DHX30: variants seen among roughly 807,000 people sequenced by gnomAD.
DHX30 encodes the protein ATP-dependent RNA helicase DHX30.
DHX30 carries 4 observed loss-of-function variants against 116.9 expected under a neutral mutation model. That is an observed-to-expected ratio of 0.03 (90% CI 0.02 to 0.08). DHX30 has a LOEUF of 0.08. Among genes scored for constraint, DHX30 ranks in the 10% least tolerant of loss-of-function variants. DHX30 has a pLI of 1.00. For synonymous variants in DHX30, 697 were observed against 651.7 expected (o/e 1.07, Z -1.06); for missense variants, 871 against 1,595.1 (o/e 0.55, Z 7.73).
In DHX30 at chr3:47,848,922, G is replaced by A; in HGVS notation, c.2772G>A (p.Val924=). The change falls in exon 18 of 22, where the codon GTG becomes GTA. Residue 924 remains valine (V), a splice_region_variant and synonymous_variant. Coordinates refer to ENST00000445061, the MANE Select transcript of DHX30 (RefSeq NM_138615.3). The surrounding 1 kb of genome is among the most constrained non-coding windows in gnomAD (Gnocchi z 9.4). ...SLQNRAEVDK[V]KALLSHDSGS... is the part of the protein sequence containing the mutation. ...GCTGCCCTCTTCTCCCCTCCCAGGT[G>A]AAAGCACTGTTGAGCCATGACAGCG... The A allele has an allele frequency of 1.2e-6, 2 of 1,602,650 alleles. No homozygotes were observed. Among genetic ancestry groups the A allele is most frequent in the South Asian group, 1.1e-5 (1 of 90,102 alleles).
At chr3:47,823,508 C>T (rs1279878964) in intron 4 of DHX30, among the ~76,000 whole-genome samples, 7 of 151,940 alleles carry the variant, frequency 4.6e-5, no homozygotes, top group Admixed American at 2.0e-4. Flanking sequence ...GGACTACAGG[C>T]GCGTGCCACC....
intron 6 of DHX30, among the ~76,000 whole-genome samples, chr3:47,838,195 G>A (rs1051072699): frequency 6.6e-6 from 1 of 152,212 alleles, no homozygotes; most frequent in Admixed American, 6.5e-5. Context: ...TCGCGAATGT[G>A]TGTGTGGCAT....
rs754419475 is a variant in DHX30, at chr3:47,846,692, G to A, written c.1620G>A (p.Leu540=). ...GALLFCTVGI[L]LRKLQSNPSL... The stretch of plus-strand genomic sequence containing the variant: ...TGCTCTTCTGCACTGTGGGTATCCT[G>A]CTGCGTAAGCTGCAGAGCAACCCCA... Residue 540 remains leucine (L), a synonymous_variant, in exon 11 of 22, where the codon CTG becomes CTA. Transcript: ENST00000445061. 5.6e-6 allele frequency: 9 copies of A among 1,613,934 alleles called. No homozygotes were observed. The East Asian group carries it at 1.6e-4, about 28-fold the overall frequency.
At chr3:47,845,541 C>T in intron 9 of DHX30, 159 bp from the exon 10 acceptor site, 5 of 748,040 alleles carry the variant, frequency 6.7e-6, no homozygotes, top group Non-Finnish European at 1.9e-6. Context: ...TTAACATTTT[C>T]CTAGTTCATA....
intron 3 of DHX30, 112 bp from the exon 4 acceptor site, chr3:47,817,910 A>G (rs1352280042): frequency 1.3e-6 from 1 of 774,824 alleles, no homozygotes; most frequent in Non-Finnish European, 2.4e-6. Flanking sequence ...AGCACTGTCC[A>G]GCAGCCCTGT....
chr3:47,846,882 G>T lies in DHX30; in HGVS notation c.1810G>T (p.Gly604Cys). The change falls in exon 11 of 22, where the codon GGT (glycine) becomes TGT (cysteine). Residue 604 changes from glycine to cysteine, a missense_variant. Around this residue, in one of 13 missense-constraint regions of DHX30, gnomAD observed 61 missense variants for 106.7 expected, o/e 0.57. Transcript: ENST00000445061. The stretch of plus-strand genomic sequence containing the variant: ...CAATGAGCGCTTCTCCCGATACTTT[G>T]GTGGCTGCCCCGTCATCAAGGTGCC... Reference protein sequence around the residue: ...GDNERFSRYFGGCPVIKVPGF... With the variant: ...GDNERFSRYFCGCPVIKVPGF... The T allele has an allele frequency of 1.2e-6, 2 of 1,613,084 alleles. No individual in the cohort carries two copies. The highest frequency in any genetic ancestry group is 8.5e-7 in the Non-Finnish European group (1 of 1,179,968).
At chr3:47,818,334 C>T (rs887677293) in intron 4 of DHX30, among the ~76,000 whole-genome samples, 1 of 152,202 alleles carries the variant, frequency 6.6e-6, no homozygotes, top group African/African-American at 2.4e-5. Context: ...CTGCAGTCTT[C>T]TTGGGCCTCC....
At chr3:47,844,323 G>C (rs745638621) in intron 9 of DHX30, among the ~76,000 whole-genome samples, 10 of 152,216 alleles carry the variant, frequency 6.6e-5, no homozygotes, top group Non-Finnish European at 1.2e-4. Context: ...GTGACTCGAG[G>C]GCAGAACAAG....
At position 47,849,355 on chromosome 3, in the gene DHX30, G is replaced by T; in HGVS notation, c.3087+6G>T. On this transcript the variant is annotated splice_donor_region_variant and intron_variant, in intron 19 of 21. Coordinates refer to ENST00000445061, the MANE Select transcript of DHX30 (RefSeq NM_138615.3). ...TCTACCCCAACCTCATCCAGGTGCT[G>T]CCTCTGGGAGGGAATGGAGTTCACC... The T allele has an allele frequency of 1.9e-6, 3 of 1,608,498 alleles. No homozygotes were observed. The highest frequency in any genetic ancestry group is 2.5e-6 in the Non-Finnish European group (3 of 1,176,480).
In DHX30 at chr3:47,806,639, G is replaced by A. The variant is rs574269062; in HGVS notation, c.-28+1219G>A. Among the ~76,000 whole-genome samples, 10 of 151,674 alleles carry A rather than the reference G, an allele frequency of 6.6e-5. No individual in the cohort carries two copies. In the South Asian group the frequency reaches 2.1e-3, roughly 32 times the overall value. ...TTTTTGTATTTTTAGTGAAGATGGGGTTTTACCATGTTGGCCGTGCTGGTC... is the reference window on the plus strand; with the variant it reads ...TTTTTGTATTTTTAGTGAAGATGGGATTTTACCATGTTGGCCGTGCTGGTC... On this transcript the variant is annotated intron_variant, in intron 2 of 21. Transcript: ENST00000445061.
At chr3:47,805,836 C>T (rs1454770077) in intron 2 of DHX30, among the ~76,000 whole-genome samples, 1 of 152,002 alleles carries the variant, frequency 6.6e-6, no homozygotes, top group African/African-American at 2.4e-5. Context: ...CCACTGTGCC[C>T]AGCCAGAAGG....
At chr3:47,828,972 C>A in intron 5 of DHX30, 52 bp from the exon 6 acceptor site, 2 of 1,142,742 alleles carry the variant, frequency 1.8e-6, no homozygotes, top group Non-Finnish European at 2.6e-6. Context: ...TAATTTGCAA[C>A]AACTCTAGTC....
At chr3:47,844,995 G>T (rs2037536244) in intron 9 of DHX30, among the ~76,000 whole-genome samples, 1 of 152,186 alleles carries the variant, frequency 6.6e-6, no homozygotes, top group African/African-American at 2.4e-5. Context: ...GGAGTCTGTG[G>T]GGTGCGTTCT....
intron 6 of DHX30, among the ~76,000 whole-genome samples, chr3:47,838,851 C>T (rs1376771297): frequency 1.3e-5 from 2 of 152,190 alleles, no homozygotes; most frequent in East Asian, 1.9e-4. Context: ...CATTTCTCTT[C>T]TGCTGCTTAG....
chr3:47,843,794 G>A (rs2107121675), intron 9 of DHX30, among the ~76,000 whole-genome samples: 1 of 152,302 alleles, frequency 6.6e-6, no homozygotes, highest in South Asian at 2.1e-4. Context: ...GATCTCCTAG[G>A]CTTAAGCGAT....
chr3:47,841,895 T>A (rs2037391076), intron 8 of DHX30, 158 bp downstream of exon 8: 1 of 1,016,352 alleles, frequency 9.8e-7, no homozygotes, highest in Admixed American at 2.1e-5. Context: ...AAGCAGCAGG[T>A]GTGATGGAAT....
chr3:47,817,873 T>C lies in DHX30; in HGVS notation c.29-149T>C, dbSNP rs897174320. The C allele has an allele frequency of 5.2e-5, 38 of 735,072 alleles. No individual in the cohort carries two copies. In the East Asian group the frequency reaches 8.6e-4, roughly 17 times the overall value. 45.5% of individuals were successfully genotyped at this position (735,072 alleles called of 1,614,324 possible). A position where few individuals can be genotyped will look rare whatever the true frequency, so the allele number is the denominator to read the frequency against. On this transcript the variant is annotated intron_variant, in intron 3 of 21. Coordinates refer to ENST00000445061, the MANE Select transcript of DHX30 (RefSeq NM_138615.3). ...TCTTCCTGTGTGGCGTTGTTAGTGC[T>C]GTTCCTCAGAACCTGTGGCTGCTCC...
At chr3:47,804,514 C>T (rs143733567) in intron 1 of DHX30, among the ~76,000 whole-genome samples, 171 of 152,310 alleles carry the variant, frequency 1.1e-3, no homozygotes, top group African/African-American at 4.0e-3. Flanking sequence ...AAGATCGCGC[C>T]ATTTCACCCC....
intron 3 of DHX30, chr3:47,816,598 C>T (rs904477503): frequency 4.0e-5 from 39 of 981,212 alleles, no homozygotes; most frequent in Admixed American, 1.2e-4. Flanking sequence ...CCTTGTGATC[C>T]GCTGGCCTCA....
Sources: allele counts gnomAD v4.1 joint callset (sites outside exome capture counted in the v4.1 genomes callset), GRCh38; gene constraint gnomAD v4.1.1; regional missense constraint gnomAD v4.1.1; non-coding constraint Gnocchi (gnomAD v3.1); transcripts MANE v1.5; gene names NCBI Gene and HGNC (gene_info 2026-07-23, HGNC 2026-07-21).